ELF2: variants seen among roughly 807,000 people sequenced by gnomAD.
ELF2 encodes the protein ETS-related transcription factor Elf-2.
Under a neutral mutation model 54.8 loss-of-function variants are expected in ELF2, and 11 were observed. That is an observed-to-expected ratio of 0.20 (90% CI 0.13 to 0.33). The LOEUF (loss-of-function observed/expected upper bound fraction) is 0.33, where lower values mean the gene tolerates loss of function less well. Ranked by LOEUF, ELF2 falls within the 10% of genes least tolerant of loss-of-function variation. ELF2 has a pLI of 1.00. For missense variants in ELF2, 513 were observed against 703.0 expected (o/e 0.73, Z 3.06); for synonymous variants, 203 against 245.1 (o/e 0.83, Z 1.61).
At chr4:139,141,767 G>T (rs945929620) in intron 1 of ELF2, among the ~76,000 whole-genome samples, 1 of 152,108 alleles carries the variant, frequency 6.6e-6, no homozygotes, top group African/African-American at 2.4e-5. Context: ...TTACAGGCGG[G>T]TGTTTCCAGG....
chr4:139,116,199 A>G (rs1276431217), intron 4 of ELF2, among the ~76,000 whole-genome samples: 1 of 152,208 alleles, frequency 6.6e-6, no homozygotes, highest in Non-Finnish European at 1.5e-5. Flanking sequence ...ATTACAATTC[A>G]AACAATTCTA....
intron 1 of ELF2, among the ~76,000 whole-genome samples, chr4:139,162,996 G>A (rs987742443): frequency 2.6e-5 from 4 of 152,114 alleles, no homozygotes; most frequent in African/African-American, 7.2e-5. Context: ...TACTCCAGGG[G>A]CTAAGACAGG....
intron 4 of ELF2, among the ~76,000 whole-genome samples, chr4:139,121,134 A>G (rs2148827629): frequency 2.1e-5 from 2 of 93,098 alleles, no homozygotes; most frequent in Non-Finnish European, 1.9e-5. Flanking sequence ...TTTGAGACGG[A>G]GTCTTGCTCT....
At chr4:139,146,569 A>C (rs1285979768) in intron 1 of ELF2, among the ~76,000 whole-genome samples, 1 of 152,234 alleles carries the variant, frequency 6.6e-6, no homozygotes, top group Non-Finnish European at 1.5e-5. Context: ...GAATAGCCAA[A>C]GCAATCCTAA....
intron 4 of ELF2, among the ~76,000 whole-genome samples, chr4:139,114,610 G>A (rs1192763837): frequency 1.8e-5 from 2 of 114,146 alleles, no homozygotes; most frequent in Admixed American, 1.0e-4. Context: ...TTAGGAGCAT[G>A]CTCAGCACTG....
chr4:139,145,301 T>C (rs1739117158), intron 1 of ELF2, among the ~76,000 whole-genome samples: 1 of 152,216 alleles, frequency 6.6e-6, no homozygotes, highest in African/African-American at 2.4e-5. Flanking sequence ...GTCATTCCCC[T>C]GTTACCCCTA....
At chr4:139,109,129 A>T (rs1273699346) in intron 4 of ELF2, among the ~76,000 whole-genome samples, 5 of 150,120 alleles carry the variant, frequency 3.3e-5, no homozygotes, top group Admixed American at 6.7e-5. Context: ...ATCTAACTTT[A>T]TTTTTTTTTT....
chr4:139,123,118 G>A (rs1459664878), intron 4 of ELF2, among the ~76,000 whole-genome samples: 3 of 151,194 alleles, frequency 2.0e-5, no homozygotes. Context: ...CGGGAGGCAG[G>A]GGTTACAGTG....
rs1560871742 is a variant in ELF2, at chr4:139,151,082, A to AAGAAAGAG, written c.-251-11586_-251-11585insCTCTTTCT. On this transcript the variant is annotated intron_variant, in intron 1 of 9. Coordinates refer to ENST00000686138, the MANE Select transcript of ELF2 (RefSeq NM_001331036.3). ...AAAGAAAGAAAGAAAGAAAGAAAGA[A>AAGAAAGAG]AGAAAGAAAGAAAAAGAGAGCTATT... 6.5e-4 allele frequency among the ~76,000 whole-genome samples: 79 copies of AAGAAAGAG among 121,936 alleles called. 4 individuals carry two copies. The highest frequency in any genetic ancestry group is 2.5e-3 in the African/African-American group (72 of 28,968). 80.0% of individuals were successfully genotyped at this position (121,936 alleles called of 152,430 possible).
chr4:139,166,719 T>G (rs572223685), intron 1 of ELF2, among the ~76,000 whole-genome samples: 17 of 151,760 alleles, frequency 1.1e-4, no homozygotes, highest in Non-Finnish European at 2.2e-4. Flanking sequence ...ATACAAAAAA[T>G]TAGCTGGGCG....
intron 1 of ELF2, among the ~76,000 whole-genome samples, chr4:139,157,480 C>T (rs1390894415): frequency 6.6e-6 from 1 of 152,138 alleles, no homozygotes; most frequent in African/African-American, 2.4e-5. Flanking sequence ...CAGCTCACTG[C>T]AGCCTCAACC....
intron 3 of ELF2, among the ~76,000 whole-genome samples, chr4:139,129,950 G>T (rs186882075): frequency 3.9e-5 from 6 of 152,264 alleles, no homozygotes; most frequent in Admixed American, 2.0e-4. Context: ...CCCCCAAAAA[G>T]ATGAAGTTTT....
At chr4:139,173,200 T>C (rs758056445) in intron 1 of ELF2, among the ~76,000 whole-genome samples, 8 of 152,122 alleles carry the variant, frequency 5.3e-5, no homozygotes, top group African/African-American at 1.9e-4. Context: ...CTCAAGGTGA[T>C]AGATAGTTTC....
intron 1 of ELF2, among the ~76,000 whole-genome samples, chr4:139,156,003 T>TTGAC (rs1740488178): frequency 6.6e-6 from 1 of 151,982 alleles, no homozygotes; most frequent in African/African-American, 2.4e-5. Context: ...CAAGAAAAAA[T>TTGAC]TGAAGAGGCT....
intron 6 of ELF2, 48 bp from the exon 7 acceptor site, chr4:139,067,818 TGA>T (rs781729437): frequency 3.3e-6 from 5 of 1,515,196 alleles, no homozygotes; most frequent in African/African-American, 1.4e-5. Context: ...AAGAAAAATA[TGA>T]GAGGCACGAT....
chr4:139,174,882 T>G (rs1177326609), intron 1 of ELF2, among the ~76,000 whole-genome samples: 1 of 152,168 alleles, frequency 6.6e-6, no homozygotes, highest in Non-Finnish European at 1.5e-5. Context: ...GCCTCCTGAA[T>G]AACTGGGATT....
At chr4:139,068,765 G>A (rs1274917663) in intron 6 of ELF2, among the ~76,000 whole-genome samples, 3 of 152,184 alleles carry the variant, frequency 2.0e-5, no homozygotes, top group Non-Finnish European at 4.4e-5. Flanking sequence ...ATTCAATCCT[G>A]AGCACAAATG....
At chr4:139,144,420 C>A (rs1739019857) in intron 1 of ELF2, among the ~76,000 whole-genome samples, 1 of 152,216 alleles carries the variant, frequency 6.6e-6, no homozygotes, top group Non-Finnish European at 1.5e-5. Context: ...TGCCAACCAA[C>A]TGAGGCAGTG....
chr4:139,176,405 C>A lies in ELF2; in HGVS notation c.-252+562G>T, dbSNP rs926788325. 1.8e-4 allele frequency among the ~76,000 whole-genome samples: 28 copies of A among 152,162 alleles called. No homozygotes were observed. The South Asian group carries it at 1.9e-3, about 10-fold the overall frequency. ...GGAAACTGGTGTCCAGCGCCCCCCC[C>A]CGCCTGCCCGCCACCCAGAGCGGCC... On this transcript the variant is annotated intron_variant, in intron 1 of 9. Coordinates refer to ENST00000686138, the MANE Select transcript of ELF2 (RefSeq NM_001331036.3).
Sources: gnomAD v4.1 joint callset for allele counts (sites outside exome capture counted in the v4.1 genomes callset) on GRCh38, gnomAD v4.1.1 for gene constraint, MANE v1.5 for transcripts, NCBI Gene and HGNC (gene_info 2026-07-23, HGNC 2026-07-21) for gene names.